The following SGCG variants were observed in gnomAD, a reference collection of about 807,000 sequenced individuals.
The protein encoded by SGCG is sarcoglycan gamma, also known as gamma-sarcoglycan.
A neutral mutation model predicts 29.3 loss-of-function variants in SGCG; 26 were observed. That is an observed-to-expected ratio of 0.89 (90% CI 0.65 to 1.23). The LOEUF (loss-of-function observed/expected upper bound fraction) is 1.23, where lower values mean the gene tolerates loss of function less well. Among genes scored for constraint, SGCG ranks in the 50% most tolerant of loss-of-function variants. The pLI is 0.00. For synonymous variants in SGCG, 145 were observed against 129.7 expected (o/e 1.12, Z -0.80); for missense variants, 353 against 356.0 (o/e 0.99, Z 0.07).
At chr13:23,269,222 A>G (rs1268834824) in intron 4 of SGCG, 1 of 152,238 alleles carries the variant, frequency 6.6e-6, no homozygotes, top group African/African-American at 2.4e-5. Flanking sequence ...ATATTAGTCA[A>G]TAGTCAATCC....
intron 2 of SGCG, among the ~76,000 whole-genome samples, chr13:23,215,167 G>A (rs1429535887): frequency 2.0e-5 from 3 of 152,256 alleles, no homozygotes; most frequent in Non-Finnish European, 4.4e-5. Context: ...AAGGAGGGAC[G>A]TTCATCAGCC....
intron 4 of SGCG, among the ~76,000 whole-genome samples, chr13:23,277,938 T>C (rs1207028344): frequency 6.6e-6 from 1 of 151,938 alleles, no homozygotes; most frequent in Non-Finnish European, 1.5e-5. Context: ...GACCTCATGA[T>C]CCGCCTGCCT....
chr13:23,260,091 G>A (rs191967119), intron 4 of SGCG, among the ~76,000 whole-genome samples: 491 of 152,226 alleles, frequency 3.2e-3, no homozygotes, highest in Middle Eastern at 0.01. Context: ...TCAAGTCCTG[G>A]ATATCCTTGT....
chr13:23,309,720 A>G (rs1882488631), intron 6 of SGCG, among the ~76,000 whole-genome samples: 3 of 152,158 alleles, frequency 2.0e-5, no homozygotes, highest in Admixed American at 1.3e-4. Context: ...TTTTTCTTTC[A>G]AACAGTGTGT....
the SGCG span, among the ~76,000 whole-genome samples, chr13:23,167,250 A>ATAG: frequency 6.6e-6 from 1 of 152,190 alleles, no homozygotes; most frequent in Non-Finnish European, 1.5e-5. Flanking sequence ...TTATGGCTGA[A>ATAG]TAGTACTCCA....
intron 1 of SGCG, among the ~76,000 whole-genome samples, chr13:23,198,963 C>A (rs939381267): frequency 6.6e-6 from 1 of 151,560 alleles, no homozygotes. Flanking sequence ...AAAAAATTAG[C>A]GGGGCGTGGT....
chr13:23,196,318 A>G (rs1877506343), intron 1 of SGCG, among the ~76,000 whole-genome samples: 1 of 152,100 alleles, frequency 6.6e-6, no homozygotes, highest in Admixed American at 6.5e-5. Context: ...AAGTTACTAG[A>G]ATTGGAATTA....
In SGCG at chr13:23,320,773, A is replaced by G; in HGVS notation, c.702+13A>G. 3 of 1,612,068 alleles carry G rather than the reference A, an allele frequency of 1.9e-6. No homozygotes were observed. Among genetic ancestry groups the G allele is most frequent in the African/African-American group, 1.3e-5 (1 of 74,966 alleles). ...TAGTGATGGAATGGTGAGTTCATTC[A>G]CAGATCAGCCTCCTACTGTATGTCC... On this transcript the variant is annotated intron_variant, in intron 7 of 7. Coordinates refer to ENST00000218867, the MANE Select transcript of SGCG (RefSeq NM_000231.3).
intron 5 of SGCG, among the ~76,000 whole-genome samples, chr13:23,288,765 A>C (rs1881594879): frequency 6.6e-6 from 1 of 152,208 alleles, no homozygotes; most frequent in African/African-American, 2.4e-5. Context: ...GCCAGAACTG[A>C]CTTCTGGCAG....
chr13:23,199,713 C>T (rs961132171), intron 1 of SGCG, among the ~76,000 whole-genome samples: 2 of 151,750 alleles, frequency 1.3e-5, no homozygotes, highest in Admixed American at 1.3e-4. Context: ...TGTCATAAAA[C>T]GATATAAAAA....
intron 2 of SGCG, among the ~76,000 whole-genome samples, chr13:23,204,136 A>G (rs1391773189): frequency 6.6e-6 from 1 of 152,098 alleles, no homozygotes; most frequent in East Asian, 1.9e-4. Context: ...ATCTCGAAAT[A>G]GTGGGAATAT....
chr13:23,188,561 C>T (rs1481890001), intron 1 of SGCG, among the ~76,000 whole-genome samples: 3 of 150,120 alleles, frequency 2.0e-5, no homozygotes, highest in Admixed American at 6.7e-5. Flanking sequence ...TCAAGCAATC[C>T]GCCTGCCTCT....
intron 2 of SGCG, among the ~76,000 whole-genome samples, chr13:23,227,542 T>C (rs2137536229): frequency 6.6e-6 from 1 of 152,244 alleles, no homozygotes; most frequent in South Asian, 2.1e-4. Context: ...AACTCAAATG[T>C]CCTTGAATGG....
chr13:23,199,743 T>TCA (rs3838831), intron 1 of SGCG, among the ~76,000 whole-genome samples: 1 of 151,752 alleles, frequency 6.6e-6, no homozygotes. Flanking sequence ...CTGGCAAACT[T>TCA]AAAAAAAACA....
intron 1 of SGCG, among the ~76,000 whole-genome samples, chr13:23,191,526 T>C (rs570909793): frequency 3.3e-5 from 5 of 152,224 alleles, no homozygotes; most frequent in African/African-American, 9.6e-5. Context: ...TTGGGATGCA[T>C]CCTAGACCTG....
intron 1 of SGCG, among the ~76,000 whole-genome samples, chr13:23,188,569 T>C (rs904270384): frequency 3.3e-5 from 5 of 150,068 alleles, no homozygotes; most frequent in Non-Finnish European, 5.9e-5. Context: ...TCCGCCTGCC[T>C]CTGCCTCCCA....
chr13:23,277,369 G>C (rs969395419), intron 4 of SGCG, among the ~76,000 whole-genome samples: 5 of 151,480 alleles, frequency 3.3e-5, no homozygotes, highest in African/African-American at 1.2e-4. Flanking sequence ...AGTCTCAGAT[G>C]GGGAAAATAA....
chr13:23,204,637 T>C (rs12871199), intron 2 of SGCG, among the ~76,000 whole-genome samples: 4 of 139,184 alleles, frequency 2.9e-5, no homozygotes, highest in Non-Finnish European at 6.2e-5. Flanking sequence ...CTTTCTTTCC[T>C]TTCTTTCTCT....
intron 1 of SGCG, among the ~76,000 whole-genome samples, chr13:23,193,045 TG>T (rs972184023): frequency 1.2e-4 from 18 of 152,334 alleles, no homozygotes; most frequent in African/African-American, 4.1e-4. Flanking sequence ...AGGACACAGT[TG>T]CAGATTGTAC....
Sources: gnomAD v4.1 joint callset for allele counts (sites outside exome capture counted in the v4.1 genomes callset) on GRCh38, gnomAD v4.1.1 for gene constraint, MANE v1.5 for transcripts, NCBI Gene and HGNC (gene_info 2026-07-23, HGNC 2026-07-21) for gene names.